The following TGS1 variants were observed in gnomAD, a reference collection of about 807,000 sequenced individuals.
The protein encoded by TGS1 is trimethylguanosine synthase.
A neutral mutation model predicts 92.2 loss-of-function variants in TGS1; 69 were observed. The observed-to-expected ratio is 0.75, with a 90% CI of 0.62 to 0.91. The LOEUF (loss-of-function observed/expected upper bound fraction) is 0.91. Ranked by LOEUF, TGS1 falls within the 40% of genes least tolerant of loss-of-function variation. The probability of loss-of-function intolerance (pLI) is 0.00; values close to 1 mark genes in which losing one functional copy is unlikely to be tolerated. For missense variants in TGS1, 1,062 were observed against 1,001.2 expected (o/e 1.06, Z -0.82); for synonymous variants, 345 against 338.1 (o/e 1.02, Z -0.22).
At chr8:55,823,447 A>G (rs1370125008) in intron 12 of TGS1, among the ~76,000 whole-genome samples, 1 of 152,208 alleles carries the variant, frequency 6.6e-6, no homozygotes, top group Non-Finnish European at 1.5e-5. Flanking sequence ...GTTAGTCACT[A>G]TATTCTAGTA....
chr8:55,796,820 A>G (rs1393980380), intron 7 of TGS1, among the ~76,000 whole-genome samples: 1 of 150,810 alleles, frequency 6.6e-6, no homozygotes, highest in East Asian at 2.0e-4. Context: ...GTGAAACCCC[A>G]TCTCTACTAA....
chr8:55,811,362 C>G lies in TGS1; in HGVS notation c.2360+265C>G, dbSNP rs571341816. 9.2e-5 allele frequency among the ~76,000 whole-genome samples: 14 copies of G among 151,730 alleles called. No individual in the cohort carries two copies. In the South Asian group the frequency reaches 2.9e-3, roughly 32 times the overall value. On this transcript the variant is annotated intron_variant, in intron 11 of 12. Transcript: ENST00000260129. ...CCTGTAATCCAGCTACTCGGGAGGC[C>G]GAAGCACGAGAATCACTTGAACCCA...
chr8:55,783,990 G>A (rs1398406366), intron 2 of TGS1, among the ~76,000 whole-genome samples: 1 of 152,168 alleles, frequency 6.6e-6, no homozygotes, highest in Non-Finnish European at 1.5e-5. Context: ...AGTAGTGAGT[G>A]GAATCCCCTT....
At chr8:55,794,116 A>G (rs1811971003) in intron 6 of TGS1, among the ~76,000 whole-genome samples, 1 of 152,188 alleles carries the variant, frequency 6.6e-6, no homozygotes. Flanking sequence ...TTGTTTCCTA[A>G]GATCTAAGCA....
intron 12 of TGS1, among the ~76,000 whole-genome samples, chr8:55,813,557 A>C (rs1803393676): frequency 6.6e-6 from 1 of 152,320 alleles, no homozygotes; most frequent in African/African-American, 2.4e-5. Context: ...ACTCTTGAAA[A>C]TCTTTTATCT....
rs1047995982 is a variant in TGS1 at position 55,785,078 on chromosome 8, T to C, written c.167-641T>C. ...TTTTTGTTTTTTGTTTTTTGTTTTT[T>C]TTTTGAGACAGAGTCTCGCTCTCTC... is the stretch of plus-strand genomic sequence containing the variant. On this transcript the variant is annotated intron_variant, in intron 2 of 12. Transcript: ENST00000260129. Among the ~76,000 whole-genome samples, 3 of 151,700 alleles carry C rather than the reference T, an allele frequency of 2.0e-5. No individual in the cohort carries two copies. The East Asian group carries it at 5.8e-4, about 29-fold the overall frequency.
At chr8:55,782,557 A>G (rs936271913) in intron 1 of TGS1, among the ~76,000 whole-genome samples, 191 bp from the exon 2 acceptor site, 3 of 152,242 alleles carry the variant, frequency 2.0e-5, no homozygotes, top group African/African-American at 7.2e-5. Flanking sequence ...TACATATACT[A>G]TCAGTCCTTA....
At chr8:55,819,942 A>G (rs1019438026) in intron 12 of TGS1, among the ~76,000 whole-genome samples, 1 of 152,240 alleles carries the variant, frequency 6.6e-6, no homozygotes, top group East Asian at 1.9e-4. Flanking sequence ...TTGTAGTCAC[A>G]GCCAGTATTT....
intron 5 of TGS1, among the ~76,000 whole-genome samples, chr8:55,790,660 G>T (rs1811853100): frequency 6.6e-6 from 1 of 152,052 alleles, no homozygotes; most frequent in Non-Finnish European, 1.5e-5. Flanking sequence ...GGGACTACAG[G>T]CATGTGCCAC....
chr8:55,782,769 G>T lies in TGS1; in HGVS notation c.123G>T (p.Leu41Phe), dbSNP rs1271482657. The T allele has an allele frequency of 3.1e-6, 5 of 1,610,466 alleles. No homozygotes were observed. Among genetic ancestry groups the T allele is most frequent in the Non-Finnish European group, 4.2e-6 (5 of 1,178,814 alleles). Residue 41 changes from leucine (L) to phenylalanine (F), a missense_variant, in exon 2 of 13, where the codon TTG (leucine) becomes TTT (phenylalanine). Leu to Phe is a conservative substitution (Grantham distance 22). Transcript: ENST00000260129. ...AFVEDRKLYN[L>F]GLKGYYIRDS... is the part of the protein sequence containing the mutation. ...GCAGGGATCGAAAATTGTACAATTT[G>T]GGATTAAAAGGCTATTACATCAGAG...
rs778965160 is a variant in TGS1, at chr8:55,804,948, TAGTC to T, written c.2060_2063del (p.Gln687ProfsTer7). On this transcript the variant is annotated frameshift_variant, in exon 10 of 13. Transcript: ENST00000260129. LOFTEE classifies it high-confidence loss of function. ...TTGCTGAACACATTGCTGGCCGTGT[TAGTC>T]AGTCCTTCAAGTGTGACGTTGTAGT... The T allele has an allele frequency of 6.8e-6, 11 of 1,614,118 alleles. No homozygotes were observed. Among genetic ancestry groups the T allele is most frequent in the South Asian group, 3.3e-5 (3 of 91,070 alleles).
intron 12 of TGS1, 81 bp downstream of exon 12, chr8:55,813,199 C>T (rs1803384512): frequency 1.0e-6 from 1 of 986,806 alleles, no homozygotes; most frequent in Non-Finnish European, 1.5e-6. Context: ...CATATCCTTA[C>T]CAGAGAATGT....
rs562756219 is a variant in TGS1 at position 55,782,019 on chromosome 8, T to A, written c.102-729T>A. ...ATAGTTTGTCTTATTAGCAAATGGA[T>A]TAGTGTCTGCATATTGATTTATATG... On this transcript the variant is annotated intron_variant, in intron 1 of 12. Coordinates refer to ENST00000260129, the MANE Select transcript of TGS1 (RefSeq NM_024831.8). Among the ~76,000 whole-genome samples, 29 of 152,274 alleles carry A rather than the reference T, an allele frequency of 1.9e-4. 1 individual carries two copies. The South Asian group carries it at 6.0e-3, about 32-fold the overall frequency.
chr8:55,786,577 C>A lies in TGS1; in HGVS notation c.679C>A (p.Pro227Thr), dbSNP rs145495284. 118 of 1,614,104 alleles carry A rather than the reference C, an allele frequency of 7.3e-5. No homozygotes were observed. The African/African-American group carries it at 1.3e-3, about 17-fold the overall frequency. The change falls in exon 4 of 13, where the codon CCT (proline) becomes ACT (threonine). Residue 227 changes from proline to threonine, a missense_variant. Pro to Thr is a conservative substitution (Grantham distance 38, BLOSUM62 -1). Transcript: ENST00000260129. ...TCCGGGTCAAGCACTATCTTCTGAA[C>A]CTTGGAACTTTCCTGATACAAAGGA... Reference protein sequence around the residue: ...KHPGQALSSEPWNFPDTKEEW... With the variant: ...KHPGQALSSETWNFPDTKEEW...
intron 7 of TGS1, among the ~76,000 whole-genome samples, chr8:55,796,701 G>C (rs765802407): frequency 6.7e-6 from 1 of 149,428 alleles, no homozygotes; most frequent in African/African-American, 2.5e-5. Context: ...AAAAAAACAC[G>C]CAACCTTGGC....
intron 11 of TGS1, among the ~76,000 whole-genome samples, chr8:55,812,765 C>T (rs76423266): frequency 0.062 from 9,363 of 152,126 alleles, 336 homozygotes; most frequent in African/African-American, 0.097. Context: ...GTGTAGACTG[C>T]AATGGCCATG....
chr8:55,811,176 T>TGGGG, intron 11 of TGS1, 79 bp downstream of exon 11: 1 of 145,644 alleles, frequency 6.9e-6, no homozygotes, highest in Non-Finnish European at 1.3e-5. Flanking sequence ...AGAGGGAGTG[T>TGGGG]GGGTGGGTGG....
At chr8:55,810,436 T>G (rs1362971068) in intron 10 of TGS1, among the ~76,000 whole-genome samples, 1 of 152,266 alleles carries the variant, frequency 6.6e-6, no homozygotes, top group Non-Finnish European at 1.5e-5. Flanking sequence ...TTGGTTTTCC[T>G]TAGAAGTTGT....
Position 55,825,901 on chromosome 8 carries a change from G to T in TGS1, c.*1198G>T, listed in dbSNP as rs1161037166. On this transcript the variant is annotated 3_prime_UTR_variant, in exon 13 of 13. Transcript: ENST00000260129. ...TTTTTTTTTTTTTAGACAGAGTCTT[G>T]CTCTGTCGCCCAGGCTGGAGTGCAA... 6.8e-6 allele frequency among the ~76,000 whole-genome samples: 1 copy of T among 147,010 alleles called. No individual in the cohort carries two copies. The highest frequency in any genetic ancestry group is 2.5e-5 in the African/African-American group (1 of 39,480).
Sources: gnomAD v4.1 joint callset for allele counts (sites outside exome capture counted in the v4.1 genomes callset) on GRCh38, gnomAD v4.1.1 for gene constraint, MANE v1.5 for transcripts, NCBI Gene and HGNC (gene_info 2026-07-23, HGNC 2026-07-21) for gene names.